ZSWIM6: variants seen among roughly 807,000 people sequenced by gnomAD.
The protein encoded by ZSWIM6 is zinc finger SWIM domain-containing protein 6.
Under a neutral mutation model 113.2 loss-of-function variants are expected in ZSWIM6, and 9 were observed. The ratio of observed to expected loss-of-function variants is 0.08; its 90% CI spans 0.05 to 0.14. The LOEUF (loss-of-function observed/expected upper bound fraction) is 0.14, where lower values mean the gene tolerates loss of function less well. Among genes scored for constraint, ZSWIM6 ranks in the 10% least tolerant of loss-of-function variants. ZSWIM6 has a pLI of 1.00. For synonymous variants in ZSWIM6, 611 were observed against 606.5 expected, an observed-to-expected ratio of 1.01 and a Z score of -0.11; for missense variants, 1,162 against 1,552.2, an observed-to-expected ratio of 0.75 and a Z score of 4.22.
At chr5:61,528,103 T>A (rs1749333985) in intron 7 of ZSWIM6, among the ~76,000 whole-genome samples, 1 of 152,142 alleles carries the variant, frequency 6.6e-6, no homozygotes, top group East Asian at 1.9e-4. Flanking sequence ...CCTACTTTAT[T>A]TTTGGTAATT....
At chr5:61,429,703 A>C (rs1490117548) in intron 1 of ZSWIM6, among the ~76,000 whole-genome samples, 2 of 152,012 alleles carry the variant, frequency 1.3e-5, no homozygotes. Flanking sequence ...GTATGTGTCT[A>C]TGTGTGTGTG....
chr5:61,337,277 T>TCC (rs34789006), intron 1 of ZSWIM6, among the ~76,000 whole-genome samples: 1,793 of 144,652 alleles, frequency 0.012, 26 homozygotes, highest in African/African-American at 0.04. Context: ...AGATTCCGTC[T>TCC]CCCCCCCCAA....
At chr5:61,391,462 C>T in intron 1 of ZSWIM6, 6 of 1,321,622 alleles carry the variant, frequency 4.5e-6, no homozygotes, top group South Asian at 3.5e-5. Flanking sequence ...CTCATCCTGA[C>T]ATTTCTTGCA....
chr5:61,527,563 A>G (rs1228488813), intron 7 of ZSWIM6, among the ~76,000 whole-genome samples: 2 of 152,232 alleles, frequency 1.3e-5, no homozygotes, highest in Non-Finnish European at 2.9e-5. Flanking sequence ...TGTCCAGTTC[A>G]TGATGTTCTT....
At chr5:61,446,865 GA>G (rs1451441774) in intron 1 of ZSWIM6, among the ~76,000 whole-genome samples, 1 of 152,022 alleles carries the variant, frequency 6.6e-6, no homozygotes, top group Non-Finnish European at 1.5e-5. Flanking sequence ...CATGCACACA[GA>G]AAGATCCAAT....
At chr5:61,429,231 A>G (rs1009958198) in intron 1 of ZSWIM6, among the ~76,000 whole-genome samples, 2 of 152,198 alleles carry the variant, frequency 1.3e-5, no homozygotes, top group Non-Finnish European at 2.9e-5. Flanking sequence ...TACAGAGAGA[A>G]TGATGGTGTG....
rs1158123130 is a variant in ZSWIM6, at chr5:61,464,301, G to A, written c.677-8380G>A. On this transcript the variant is annotated intron_variant, in intron 1 of 13. Transcript: ENST00000252744. The stretch of plus-strand genomic sequence containing the variant: ...CTCCCAAAGTGTTGGGATTACAGGC[G>A]TGAGCCACCATGCCTTGCCTCCCTC... Among the ~76,000 whole-genome samples the A allele has an allele frequency of 6.0e-5, 9 of 151,218 alleles. No homozygotes were observed. The East Asian group carries it at 9.7e-4, about 16-fold the overall frequency.
intron 1 of ZSWIM6, chr5:61,390,581 C>G: frequency 1.7e-6 from 1 of 587,284 alleles, no homozygotes; most frequent in African/African-American, 1.9e-5. Flanking sequence ...TGAGCATTGT[C>G]AGAATGCTAT....
chr5:61,447,724 T>C (rs1372005517), intron 1 of ZSWIM6, among the ~76,000 whole-genome samples: 1 of 152,132 alleles, frequency 6.6e-6, no homozygotes, highest in Admixed American at 6.5e-5. Context: ...ACTGACATGC[T>C]AGAGGTTTGT....
At chr5:61,333,324 T>C (rs937703269) in intron 1 of ZSWIM6, among the ~76,000 whole-genome samples, 258 of 150,658 alleles carry the variant, frequency 1.7e-3, no homozygotes, top group Non-Finnish European at 2.5e-3. Flanking sequence ...CCGGCGAGGG[T>C]GTGTGTGGCG....
At chr5:61,390,658 G>A in intron 1 of ZSWIM6, 2 of 820,554 alleles carry the variant, frequency 2.4e-6, no homozygotes, top group Non-Finnish European at 4.2e-6. Flanking sequence ...TGCAAAAACT[G>A]TTCCTGGCAT....
At chr5:61,399,196 A>T (rs1185256176) in intron 1 of ZSWIM6, among the ~76,000 whole-genome samples, 2 of 144,044 alleles carry the variant, frequency 1.4e-5, no homozygotes, top group Non-Finnish European at 3.0e-5. Flanking sequence ...AAGGGCTGGG[A>T]TTACAGGTGT....
In ZSWIM6 at chr5:61,392,661, GGAGTGCAATGGCGT is replaced by G. The variant is rs201050285; in HGVS notation, c.676+59716_676+59729del. Among the ~76,000 whole-genome samples the G allele has an allele frequency of 3.7e-4, 57 of 152,274 alleles. 5 individuals carry two copies. In the East Asian group the frequency reaches 8.7e-3, roughly 23 times the overall value. ...GGAGTTCGGTGTTTTTACGCAGGCT[GGAGTGCAATGGCGT>G]GATCGCAGCTCACCGCAACCTCCGC... On this transcript the variant is annotated intron_variant, in intron 1 of 13. Transcript: ENST00000252744.
intron 4 of ZSWIM6, among the ~76,000 whole-genome samples, chr5:61,499,401 G>A (rs1748403129): frequency 6.6e-6 from 1 of 152,118 alleles, no homozygotes; most frequent in Non-Finnish European, 1.5e-5. Flanking sequence ...ATGTCTAGAG[G>A]AACAGATGTA....
intron 1 of ZSWIM6, among the ~76,000 whole-genome samples, chr5:61,465,432 T>C (rs1747414910): frequency 6.6e-6 from 1 of 152,096 alleles, no homozygotes; most frequent in Non-Finnish European, 1.5e-5. Flanking sequence ...TTTTTTTTTT[T>C]TTTCTAGTTC....
At chr5:61,519,524 C>G (rs1345723607) in intron 4 of ZSWIM6, among the ~76,000 whole-genome samples, 2 of 152,104 alleles carry the variant, frequency 1.3e-5, no homozygotes, top group Middle Eastern at 3.2e-3. Context: ...TCTTACTTTT[C>G]AGAATCCTCA....
chr5:61,358,570 A>C (rs969829180), intron 1 of ZSWIM6, among the ~76,000 whole-genome samples: 1 of 152,256 alleles, frequency 6.6e-6, no homozygotes. Context: ...TAGTCGTCTT[A>C]TATTTAAAAG....
intron 4 of ZSWIM6, among the ~76,000 whole-genome samples, chr5:61,506,825 CTT>C (rs1160721840): frequency 6.6e-6 from 1 of 152,034 alleles, no homozygotes; most frequent in Non-Finnish European, 1.5e-5. Flanking sequence ...ATTCTAGACT[CTT>C]ATAATAGCCT....
intron 1 of ZSWIM6, among the ~76,000 whole-genome samples, chr5:61,401,659 C>T (rs1333697695): frequency 2.0e-5 from 3 of 152,026 alleles, no homozygotes; most frequent in Non-Finnish European, 4.4e-5. Flanking sequence ...AATTATCTGT[C>T]TAAAGAGAGG....
Sources: allele counts gnomAD v4.1 joint callset (sites outside exome capture counted in the v4.1 genomes callset), GRCh38; gene constraint gnomAD v4.1.1; transcripts MANE v1.5; gene names NCBI Gene and HGNC (gene_info 2026-07-23, HGNC 2026-07-21).